Variants in POU6F2 observed in about 807,000 individuals in gnomAD.
POU6F2 encodes POU domain, class 6, transcription factor 2.
In POU6F2, 31 loss-of-function variants were observed where a neutral mutation model predicts 71.3. The observed-to-expected ratio is 0.43, with a 90% CI of 0.33 to 0.59. The LOEUF (loss-of-function observed/expected upper bound fraction) is 0.59, where lower values mean the gene tolerates loss of function less well. Ranked by LOEUF, POU6F2 falls within the 20% of genes least tolerant of loss-of-function variation. The probability of loss-of-function intolerance (pLI) is 0.04; values close to 1 mark genes in which losing one functional copy is unlikely to be tolerated. For missense variants in POU6F2, 783 were observed against 856.8 expected, an observed-to-expected ratio of 0.91 and a Z score of 1.07; for synonymous variants, 347 against 355.7, an observed-to-expected ratio of 0.98 and a Z score of 0.27.
intron 1 of POU6F2, among the ~76,000 whole-genome samples, chr7:39,075,773 G>T (rs148038066): frequency 1.3e-5 from 2 of 152,202 alleles, no homozygotes; most frequent in Non-Finnish European, 2.9e-5. Context: ...CTGAGCCCTT[G>T]GGGCGTGGTC....
At chr7:39,173,766 GC>G (rs1454171202) in intron 2 of POU6F2, among the ~76,000 whole-genome samples, 11 of 152,142 alleles carry the variant, frequency 7.2e-5, no homozygotes, top group Non-Finnish European at 1.5e-4. Context: ...TCTAATAGAG[GC>G]CTACACTATT....
At chr7:39,418,357 T>TATCA (rs1285299555) in intron 6 of POU6F2, among the ~76,000 whole-genome samples, 1 of 152,212 alleles carries the variant, frequency 6.6e-6, no homozygotes, top group Non-Finnish European at 1.5e-5. Flanking sequence ...GATTTTGCAC[T>TATCA]ATCATCTCTA....
chr7:39,040,146 TTGAC>T (rs1228760572), intron 1 of POU6F2, among the ~76,000 whole-genome samples: 1 of 115,550 alleles, frequency 8.7e-6, no homozygotes, highest in Non-Finnish European at 1.8e-5. Flanking sequence ...AAATCCCAGA[TTGAC>T]TGAGTTAATC....
intron 2 of POU6F2, among the ~76,000 whole-genome samples, chr7:39,107,446 A>G (rs1054086325): frequency 1.3e-5 from 2 of 152,174 alleles, no homozygotes; most frequent in Non-Finnish European, 1.5e-5. Context: ...GAGCAAATAA[A>G]ACATATTAAC....
At chr7:39,241,928 C>G (rs1783733541) in intron 4 of POU6F2, among the ~76,000 whole-genome samples, 1 of 152,136 alleles carries the variant, frequency 6.6e-6, no homozygotes, top group Non-Finnish European at 1.5e-5. Context: ...GACCACTGAT[C>G]TGTTTTCTGT....
At chr7:39,040,056 T>TACACACACACACA (rs1790151118) in intron 1 of POU6F2, among the ~76,000 whole-genome samples, 1 of 8,938 alleles carries the variant, frequency 1.1e-4, no homozygotes, top group Admixed American at 1.0e-3. Flanking sequence ...ATTTTTCCTT[T>TACACACACACACA]TAAAGTTTAT....
intron 5 of POU6F2, among the ~76,000 whole-genome samples, chr7:39,370,047 A>G (rs1583555944): frequency 6.6e-6 from 1 of 152,170 alleles, no homozygotes; most frequent in Admixed American, 6.5e-5. Flanking sequence ...CATAACTTTC[A>G]TACTCACTAG....
chr7:39,388,347 A>C (rs1464800917), intron 5 of POU6F2, among the ~76,000 whole-genome samples: 1 of 151,874 alleles, frequency 6.6e-6, no homozygotes, highest in Admixed American at 6.6e-5. Context: ...TCAGAGTCTC[A>C]CTCTGTTGTC....
At position 39,222,951 on chromosome 7, in the gene POU6F2, A is replaced by G. The variant is rs561789013; in HGVS notation, c.598+15331A>G. Among the ~76,000 whole-genome samples, 93 of 152,296 alleles carry G rather than the reference A, an allele frequency of 6.1e-4. 2 individuals are homozygous for G. In the South Asian group the frequency reaches 0.019, roughly 32 times the overall value. On this transcript the variant is annotated intron_variant, in intron 4 of 9. Transcript: ENST00000518318. Reference sequence around the variant, plus strand: ...TCATACGGTAATTCTACATCTAATCATTTGGCGAGTTGCCATACTATTTTC... The same window carrying G: ...TCATACGGTAATTCTACATCTAATCGTTTGGCGAGTTGCCATACTATTTTC...
intron 1 of POU6F2, among the ~76,000 whole-genome samples, chr7:39,057,944 T>C (rs866459448): frequency 2.0e-5 from 3 of 152,198 alleles, no homozygotes; most frequent in Non-Finnish European, 4.4e-5. Flanking sequence ...CAATACTGTC[T>C]CCTGCTCTCT....
At position 39,265,205 on chromosome 7, in the gene POU6F2, A is replaced by G. The variant is rs565551654; in HGVS notation, c.598+57585A>G. ...GGGACCCTCTGGTTCTGAATTTGGG[A>G]TAGGAAATCCAAGCCTGTGTGATCC... On this transcript the variant is annotated intron_variant, in intron 4 of 9. Coordinates refer to ENST00000518318, the MANE Select transcript of POU6F2 (RefSeq NM_001370959.1). Among the ~76,000 whole-genome samples, 54 of 152,256 alleles carry G rather than the reference A, an allele frequency of 3.5e-4. 1 individual carries two copies. In the East Asian group the frequency reaches 0.01, roughly 29 times the overall value.
At chr7:39,002,179 C>T (rs182908879) in intron 1 of POU6F2, 2 of 152,316 alleles carry the variant, frequency 1.3e-5, no homozygotes, top group African/African-American at 4.8e-5. Flanking sequence ...GCAAGCAATA[C>T]TTCTAGAGTT....
chr7:39,124,010 C>A (rs976533344), intron 2 of POU6F2, among the ~76,000 whole-genome samples: 6 of 151,024 alleles, frequency 4.0e-5, no homozygotes, highest in African/African-American at 1.5e-4. Context: ...TGCTACATAC[C>A]CTTGTTTTAC....
At chr7:39,085,731 G>C in intron 1 of POU6F2, 129 bp from the exon 2 acceptor site, 2 of 945,798 alleles carry the variant, frequency 2.1e-6, no homozygotes, top group Non-Finnish European at 3.2e-6. Context: ...AGAGATAAGA[G>C]AGAGAGGAGA....
chr7:39,434,730 T>C (rs142681680), intron 7 of POU6F2, among the ~76,000 whole-genome samples: 3 of 152,080 alleles, frequency 2.0e-5, no homozygotes, highest in African/African-American at 7.2e-5. Flanking sequence ...CATAGGTATA[T>C]GTGTGCCATG....
chr7:39,207,302 C>T, intron 3 of POU6F2, 90 bp from the exon 4 acceptor site: 2 of 1,240,122 alleles, frequency 1.6e-6, no homozygotes, highest in Non-Finnish European at 2.2e-6. Context: ...CGGGAACTTT[C>T]TGACCCTACT....
chr7:39,302,119 T>C (rs1036970310), intron 4 of POU6F2, among the ~76,000 whole-genome samples: 22 of 152,226 alleles, frequency 1.4e-4, no homozygotes, highest in African/African-American at 5.1e-4. Flanking sequence ...AACCATCTTA[T>C]TCCATCTTTT....
At chr7:39,112,308 T>C (rs1301288255) in intron 2 of POU6F2, among the ~76,000 whole-genome samples, 1 of 152,198 alleles carries the variant, frequency 6.6e-6, no homozygotes, top group African/African-American at 2.4e-5. Flanking sequence ...TAAAATCTCA[T>C]TGGAACAAAT....
intron 4 of POU6F2, among the ~76,000 whole-genome samples, chr7:39,309,016 C>A (rs181215759): frequency 1.3e-5 from 2 of 152,364 alleles, no homozygotes; most frequent in Admixed American, 6.5e-5. Flanking sequence ...AGGTTTTCTA[C>A]ACAGATGTTA....
Sources: allele counts gnomAD v4.1 joint callset (sites outside exome capture counted in the v4.1 genomes callset), GRCh38; gene constraint gnomAD v4.1.1; transcripts MANE v1.5; gene names NCBI Gene and HGNC (gene_info 2026-07-23, HGNC 2026-07-21).